RHBDL3: variants seen among roughly 807,000 people sequenced by gnomAD.
RHBDL3 encodes rhomboid-related protein 3.
Under a neutral mutation model 48.2 loss-of-function variants are expected in RHBDL3, and 28 were observed. The observed-to-expected ratio is 0.58, with a 90% CI of 0.43 to 0.80. RHBDL3 has a LOEUF of 0.80. RHBDL3 is among the 30% of genes least tolerant of loss of function. The probability of loss-of-function intolerance (pLI) is 0.00; values close to 1 mark genes in which losing one functional copy is unlikely to be tolerated. For missense variants in RHBDL3, 464 were observed against 542.7 expected, an observed-to-expected ratio of 0.85 and a Z score of 1.44; for synonymous variants, 208 against 232.3, an observed-to-expected ratio of 0.90 and a Z score of 0.95.
intron 6 of RHBDL3, among the ~76,000 whole-genome samples, chr17:32,299,156 T>A (rs150805020): frequency 6.8e-4 from 103 of 150,798 alleles, no homozygotes; most frequent in African/African-American, 2.2e-3. Flanking sequence ...CCTTTCTGAG[T>A]GGTATTAAAG....
intron 5 of RHBDL3, among the ~76,000 whole-genome samples, chr17:32,295,417 A>G (rs1017296394): frequency 6.6e-6 from 1 of 152,228 alleles, no homozygotes; most frequent in South Asian, 2.1e-4. Flanking sequence ...CCATTGGTAC[A>G]TGCTGCTTAC....
chr17:32,296,328 T>G, intron 5 of RHBDL3, among the ~76,000 whole-genome samples: 2 of 121,890 alleles, frequency 1.6e-5, no homozygotes, highest in Admixed American at 8.4e-5. Flanking sequence ...GCAGAATAGG[T>G]CTCTTTTTTT....
At chr17:32,303,595 C>T (rs2040637518) in intron 6 of RHBDL3, among the ~76,000 whole-genome samples, 3 of 152,194 alleles carry the variant, frequency 2.0e-5, no homozygotes, top group Admixed American at 2.0e-4. Flanking sequence ...TTTATAGTTG[C>T]CCTGGAAGGG....
chr17:32,286,927 C>T (rs1324134605), intron 3 of RHBDL3, among the ~76,000 whole-genome samples: 9 of 152,156 alleles, frequency 5.9e-5, no homozygotes, highest in Non-Finnish European at 1.3e-4. Flanking sequence ...CACAACAGCT[C>T]TGTATGGGCT....
intron 7 of RHBDL3, among the ~76,000 whole-genome samples, chr17:32,307,533 G>A (rs2150743463): frequency 6.6e-6 from 1 of 152,254 alleles, no homozygotes; most frequent in East Asian, 1.9e-4. Context: ...AAGAGGGAGG[G>A]GAAAAGAAAG....
At chr17:32,319,138 T>C (rs1316752901) in intron 8 of RHBDL3, among the ~76,000 whole-genome samples, 1 of 147,902 alleles carries the variant, frequency 6.8e-6, no homozygotes, top group South Asian at 2.1e-4. Flanking sequence ...AAAAAAAAAA[T>C]CCGGCCGGAC....
At chr17:32,267,438 G>T (rs979339709) in intron 1 of RHBDL3, among the ~76,000 whole-genome samples, 1 of 142,006 alleles carries the variant, frequency 7.0e-6, no homozygotes, top group African/African-American at 2.9e-5. Flanking sequence ...CCTGGGGGGG[G>T]AGGGGGGGGC....
At chr17:32,281,719 C>G (rs1468861788) in intron 2 of RHBDL3, among the ~76,000 whole-genome samples, 1 of 152,200 alleles carries the variant, frequency 6.6e-6, no homozygotes, top group Non-Finnish European at 1.5e-5. Context: ...CTTAGCTGAG[C>G]AATGGAGGAG....
At chr17:32,272,405 A>G (rs1033284016) in intron 2 of RHBDL3, among the ~76,000 whole-genome samples, 1 of 152,334 alleles carries the variant, frequency 6.6e-6, no homozygotes, top group East Asian at 1.9e-4. Context: ...AGAGGTTCAG[A>G]TAAGACCCCT....
intron 7 of RHBDL3, among the ~76,000 whole-genome samples, chr17:32,314,348 A>G (rs1390600053): frequency 6.6e-6 from 1 of 152,082 alleles, no homozygotes; most frequent in African/African-American, 2.4e-5. Context: ...GCCTATGGTG[A>G]ATAATGCTGC....
intron 7 of RHBDL3, among the ~76,000 whole-genome samples, chr17:32,310,232 G>A (rs558856401): frequency 1.3e-4 from 20 of 152,224 alleles, no homozygotes; most frequent in Admixed American, 1.3e-4. Flanking sequence ...GAACCACATT[G>A]TCAAAGCACA....
At chr17:32,309,708 A>G (rs4795693) in intron 7 of RHBDL3, among the ~76,000 whole-genome samples, 80,478 of 151,332 alleles carry the variant, frequency 0.53, 22,314 homozygotes, top group Non-Finnish European at 0.6. Flanking sequence ...TGGGAGATGA[A>G]AAAATGGACA....
chr17:32,289,933 C>T (rs575273363), intron 4 of RHBDL3, among the ~76,000 whole-genome samples: 1 of 152,360 alleles, frequency 6.6e-6, no homozygotes, highest in African/African-American at 2.4e-5. Context: ...GGTCTGCAGG[C>T]CAGCATTCCC....
chr17:32,298,122 G>T lies in RHBDL3; in HGVS notation c.699G>T (p.Leu233=). ...GIEHLGLNVV[L]QLLVGVPLEM... ...AACACCTGGGACTCAATGTGGTGCTGCAGCTGCTGGTGGGGGTGCCCCTGG... is the reference window on the plus strand; with the variant it reads ...AACACCTGGGACTCAATGTGGTGCTTCAGCTGCTGGTGGGGGTGCCCCTGG... Residue 233 remains leucine, a synonymous_variant, in exon 6 of 9, where the codon CTG becomes CTT. Coordinates refer to ENST00000269051, the MANE Select transcript of RHBDL3 (RefSeq NM_138328.3). 1 of 1,613,948 alleles carries T rather than the reference G, an allele frequency of 6.2e-7. No homozygotes were observed.
chr17:32,298,341 TGTCCTCCAGGCA>T (rs1400358666), intron 6 of RHBDL3, 137 bp downstream of exon 6: 1 of 584,914 alleles, frequency 1.7e-6, no homozygotes, highest in Admixed American at 3.0e-5. Flanking sequence ...TTAACCAGGC[TGTCCTCCAGGCA>T]CACCCACCTC....
At chr17:32,305,195 C>T (rs2040679403) in intron 6 of RHBDL3, 146 bp from the exon 7 acceptor site, 1 of 638,374 alleles carries the variant, frequency 1.6e-6, no homozygotes. Flanking sequence ...GGGGAATCTC[C>T]CTGGCAACAT....
At chr17:32,317,818 T>C (rs1265010866) in intron 8 of RHBDL3, among the ~76,000 whole-genome samples, 1 of 151,894 alleles carries the variant, frequency 6.6e-6, no homozygotes, top group Non-Finnish European at 1.5e-5. Context: ...CAGGCTGCAG[T>C]GTGGAGAATA....
chr17:32,313,478 C>T (rs1311060848), intron 7 of RHBDL3, among the ~76,000 whole-genome samples: 1 of 152,174 alleles, frequency 6.6e-6, no homozygotes, highest in Admixed American at 6.5e-5. Context: ...TACATTCATA[C>T]ATTCACATTG....
intron 2 of RHBDL3, among the ~76,000 whole-genome samples, chr17:32,269,511 G>A (rs1349222287): frequency 6.6e-6 from 1 of 152,372 alleles, no homozygotes; most frequent in South Asian, 2.1e-4. Context: ...AGGATTTGGG[G>A]TGATCATCCA....
Sources: gnomAD v4.1 joint callset for allele counts (sites outside exome capture counted in the v4.1 genomes callset) on GRCh38, gnomAD v4.1.1 for gene constraint, MANE v1.5 for transcripts, NCBI Gene and HGNC (gene_info 2026-07-23, HGNC 2026-07-21) for gene names.